The following LOC400499 variants were observed in gnomAD, a reference collection of about 807,000 sequenced individuals.
the LOC400499 span, among the ~76,000 whole-genome samples, chr16:11,508,402 A>G: frequency 1.3e-5 from 2 of 152,218 alleles, no homozygotes; most frequent in African/African-American, 2.4e-5. Flanking sequence ...TGAGGCTCAG[A>G]TGTTGCTAGG....
the LOC400499 span, among the ~76,000 whole-genome samples, chr16:11,376,084 G>A: frequency 6.6e-6 from 1 of 152,180 alleles, no homozygotes; most frequent in Admixed American, 6.5e-5. Flanking sequence ...GTTACATTGT[G>A]AGAGTGCTTT....
At chr16:11,476,306 G>C in the LOC400499 span, among the ~76,000 whole-genome samples, 1 of 152,020 alleles carries the variant, frequency 6.6e-6, no homozygotes. Context: ...CCCTCTCCAA[G>C]AGTCACCTCC....
At chr16:11,469,210 G>A in the LOC400499 span, 2 of 399,602 alleles carry the variant, frequency 5.0e-6, no homozygotes, top group African/African-American at 2.1e-5. Context: ...TCCAGCACCA[G>A]CTCCAAGTGA....
the LOC400499 span, among the ~76,000 whole-genome samples, chr16:11,509,870 A>T: frequency 7.5e-4 from 114 of 152,224 alleles, no homozygotes; most frequent in African/African-American, 2.7e-3. Flanking sequence ...GACCACCCAA[A>T]CAGACACAGT....
At chr16:11,507,191 C>T in the LOC400499 span, among the ~76,000 whole-genome samples, 1 of 152,172 alleles carries the variant, frequency 6.6e-6, no homozygotes, top group Non-Finnish European at 1.5e-5. Flanking sequence ...CCATGAGGTT[C>T]GGCAGTGCAA....
At chr16:11,501,790 G>A in the LOC400499 span, among the ~76,000 whole-genome samples, 1 of 152,104 alleles carries the variant, frequency 6.6e-6, no homozygotes, top group East Asian at 1.9e-4. Context: ...CAGCAAGAGG[G>A]TCCCTGTCTG....
chr16:11,384,444 G>A, the LOC400499 span: 2 of 480,496 alleles, frequency 4.2e-6, no homozygotes, highest in South Asian at 1.1e-4. Flanking sequence ...AGGAGCAGTA[G>A]AGTCCCACCA....
the LOC400499 span, chr16:11,491,924 G>C: frequency 2.2e-4 from 87 of 397,014 alleles, no homozygotes; most frequent in African/African-American, 1.6e-3. Flanking sequence ...GGCTGCAGCA[G>C]GTGGACCTGC....
At chr16:11,429,855 A>G in the LOC400499 span, among the ~76,000 whole-genome samples, 1 of 152,204 alleles carries the variant, frequency 6.6e-6, no homozygotes, top group Non-Finnish European at 1.5e-5. Context: ...GACTCAGACA[A>G]GCATCATCAG....
the LOC400499 span, among the ~76,000 whole-genome samples, chr16:11,507,769 A>C: frequency 6.6e-6 from 1 of 152,112 alleles, no homozygotes; most frequent in Non-Finnish European, 1.5e-5. Context: ...CCGTCTCTAC[A>C]AAAAACACAC....
the LOC400499 span, among the ~76,000 whole-genome samples, chr16:11,406,755 G>A: frequency 6.6e-6 from 1 of 152,210 alleles, no homozygotes; most frequent in Non-Finnish European, 1.5e-5. Flanking sequence ...TCAAATGGCT[G>A]GTGCTTATCA....
chr16:11,432,219 C>G, the LOC400499 span, among the ~76,000 whole-genome samples: 1 of 152,226 alleles, frequency 6.6e-6, no homozygotes, highest in Non-Finnish European at 1.5e-5. Flanking sequence ...AGAGAATGAC[C>G]CCTGCCAAAG....
chr16:11,414,385 G>C, the LOC400499 span: 1 of 399,480 alleles, frequency 2.5e-6, no homozygotes, highest in East Asian at 3.6e-5. Flanking sequence ...AGCAGGCACT[G>C]TGTGGCTGGC....
the LOC400499 span, among the ~76,000 whole-genome samples, chr16:11,441,786 G>A: frequency 6.6e-6 from 1 of 152,088 alleles, no homozygotes; most frequent in South Asian, 2.1e-4. Context: ...TCCACAAGCT[G>A]GAAAAGGAAA....
the LOC400499 span, among the ~76,000 whole-genome samples, chr16:11,484,533 C>G: frequency 6.6e-6 from 1 of 152,116 alleles, no homozygotes. Flanking sequence ...AGAGTGGTTA[C>G]TCCTGGTTAA....
At chr16:11,446,396 G>C in the LOC400499 span, among the ~76,000 whole-genome samples, 1 of 152,014 alleles carries the variant, frequency 6.6e-6, no homozygotes, top group East Asian at 1.9e-4. Context: ...GGTCTTAAGC[G>C]ATCTTCTCAC....
At chr16:11,416,437 G>C in the LOC400499 span, among the ~76,000 whole-genome samples, 1 of 152,104 alleles carries the variant, frequency 6.6e-6, no homozygotes, top group Non-Finnish European at 1.5e-5. Context: ...ACCTCTCTGA[G>C]CCTCCATTCC....
chr16:11,506,898 G>A, the LOC400499 span, among the ~76,000 whole-genome samples: 1 of 152,218 alleles, frequency 6.6e-6, no homozygotes, highest in African/African-American at 2.4e-5. Context: ...GCTGCTTGGT[G>A]TGCACCGATG....
chr16:11,508,803 C>A, the LOC400499 span: 1 of 399,124 alleles, frequency 2.5e-6, no homozygotes, highest in South Asian at 1.3e-4. Flanking sequence ...TCTCCTCCCA[C>A]TCATACAGCA....
Sources: allele counts gnomAD v4.1 joint callset (sites outside exome capture counted in the v4.1 genomes callset), GRCh38; gene constraint gnomAD v4.1.1; transcripts MANE v1.5.